Variants in BMP6 observed in about 807,000 individuals in gnomAD.
BMP6 encodes bone morphogenetic protein 6, also known as VG-1-R.
In BMP6, 17 loss-of-function variants were observed where a neutral mutation model predicts 54.1. The ratio of observed to expected loss-of-function variants is 0.31; its 90% CI spans 0.22 to 0.47. The LOEUF (loss-of-function observed/expected upper bound fraction) is 0.47. BMP6 is among the 20% of genes least tolerant of loss of function. The probability of loss-of-function intolerance (pLI) is 1.00; values close to 1 mark genes in which losing one functional copy is unlikely to be tolerated. For missense variants in BMP6, 720 were observed against 690.4 expected (o/e 1.04, Z -0.48); for synonymous variants, 328 against 291.2 (o/e 1.13, Z -1.28).
Position 7,727,222 on chromosome 6 carries a change from C to G in BMP6, c.267C>G (p.Leu89=). 2 of 1,605,652 alleles carry G rather than the reference C, an allele frequency of 1.2e-6. No homozygotes were observed. The highest frequency in any genetic ancestry group is 1.1e-5 in the South Asian group (1 of 90,450). ...AGGAGATCTTGTCGGTGCTGGGGCTCCCGCACCGGCCCCGGCCCCTGCACG... is the reference window on the plus strand; with the variant it reads ...AGGAGATCTTGTCGGTGCTGGGGCTGCCGCACCGGCCCCGGCCCCTGCACG... The part of the protein sequence containing the change: ...MQKEILSVLG[L]PHRPRPLHGL... Residue 89 remains leucine, a synonymous_variant, in exon 1 of 7, where the codon CTC becomes CTG. Transcript: ENST00000283147.
intron 1 of BMP6, among the ~76,000 whole-genome samples, chr6:7,843,087 T>C (rs1759002704): frequency 6.6e-6 from 1 of 152,178 alleles, no homozygotes; most frequent in African/African-American, 2.4e-5. Context: ...TGATACACCG[T>C]CCTGTGTGGG....
At chr6:7,833,996 C>T (rs1252272890) in intron 1 of BMP6, among the ~76,000 whole-genome samples, 1 of 152,052 alleles carries the variant, frequency 6.6e-6, no homozygotes, top group Non-Finnish European at 1.5e-5. Context: ...TGGGAGTTTC[C>T]ATGAGCAAAC....
At chr6:7,843,989 A>G (rs540743199) in intron 1 of BMP6, among the ~76,000 whole-genome samples, 1 of 152,256 alleles carries the variant, frequency 6.6e-6, no homozygotes, top group Non-Finnish European at 1.5e-5. Flanking sequence ...GATTACCACT[A>G]TCAAGCTAAT....
intron 1 of BMP6, among the ~76,000 whole-genome samples, chr6:7,828,482 C>G (rs1758735732): frequency 6.6e-6 from 1 of 152,222 alleles, no homozygotes. Context: ...AGCTCAGCAT[C>G]TGTGATCACA....
intron 1 of BMP6, among the ~76,000 whole-genome samples, chr6:7,789,236 G>T (rs1238533237): frequency 6.6e-6 from 1 of 152,138 alleles, no homozygotes; most frequent in Non-Finnish European, 1.5e-5. Flanking sequence ...AGGGGAGGAG[G>T]AAACGAGAAC....
intron 1 of BMP6, among the ~76,000 whole-genome samples, chr6:7,828,212 G>T (rs1163770857): frequency 1.3e-5 from 2 of 152,212 alleles, no homozygotes; most frequent in Admixed American, 1.3e-4. Flanking sequence ...CACAGCTGTT[G>T]CTCAGAAGGG....
At chr6:7,807,472 G>A (rs552867203) in intron 1 of BMP6, among the ~76,000 whole-genome samples, 1 of 152,174 alleles carries the variant, frequency 6.6e-6, no homozygotes, top group South Asian at 2.1e-4. Flanking sequence ...GTAGAGACGG[G>A]GTTTCACCAT....
chr6:7,832,760 A>C (rs921584231), intron 1 of BMP6, among the ~76,000 whole-genome samples: 1 of 147,960 alleles, frequency 6.8e-6, no homozygotes, highest in Non-Finnish European at 1.5e-5. Context: ...AGGGGCACCA[A>C]GCCTTTTCAA....
chr6:7,878,425 TG>T (rs1409557877), intron 4 of BMP6, among the ~76,000 whole-genome samples: 1 of 151,916 alleles, frequency 6.6e-6, no homozygotes, highest in Non-Finnish European at 1.5e-5. Flanking sequence ...CTGCACAGGG[TG>T]GGTACATGCA....
intron 1 of BMP6, among the ~76,000 whole-genome samples, chr6:7,839,419 TC>T (rs1234687007): frequency 3.3e-5 from 5 of 152,254 alleles, no homozygotes; most frequent in Non-Finnish European, 7.3e-5. Flanking sequence ...CAGAACTTTT[TC>T]TTCTTCCCAA....
chr6:7,802,800 C>T (rs932991854), intron 1 of BMP6, among the ~76,000 whole-genome samples: 1 of 152,224 alleles, frequency 6.6e-6, no homozygotes, highest in Non-Finnish European at 1.5e-5. Context: ...TAGGCAATTG[C>T]CTTCTTTCCA....
At chr6:7,849,034 C>A (rs963131568) in intron 2 of BMP6, among the ~76,000 whole-genome samples, 19 of 152,176 alleles carry the variant, frequency 1.2e-4, no homozygotes, top group Non-Finnish European at 2.5e-4. Context: ...AATTCCTAAA[C>A]TATTGTCTGC....
intron 2 of BMP6, among the ~76,000 whole-genome samples, chr6:7,851,563 T>C: frequency 6.6e-6 from 1 of 152,268 alleles, no homozygotes; most frequent in Middle Eastern, 3.4e-3. Flanking sequence ...ATTCTATTTT[T>C]TATTTCTCTT....
chr6:7,878,741 G>A (rs551514648), intron 4 of BMP6, among the ~76,000 whole-genome samples: 8 of 152,344 alleles, frequency 5.3e-5, no homozygotes, highest in African/African-American at 1.7e-4. Flanking sequence ...ATGCCTTCCC[G>A]GTCTGGCGCC....
chr6:7,746,950 C>T (rs186937631), intron 1 of BMP6, among the ~76,000 whole-genome samples: 54 of 152,292 alleles, frequency 3.5e-4, no homozygotes, highest in Non-Finnish European at 6.2e-4. Flanking sequence ...TTCCAGGTAG[C>T]GTGAGAGAGA....
Position 7,880,430 on chromosome 6 carries a change from G to A in BMP6, c.*87G>A. On this transcript the variant is annotated 3_prime_UTR_variant, in exon 7 of 7. Transcript: ENST00000283147. ...AAAAAACACGGAAGCACAGTTGGAG[G>A]TGGGACGATGAGACTTTGAAACTAT... 3 of 1,545,258 alleles carry A rather than the reference G, an allele frequency of 1.9e-6. No individual in the cohort carries two copies. Among genetic ancestry groups the A allele is most frequent in the Non-Finnish European group, 2.7e-6 (3 of 1,129,390 alleles).
At chr6:7,862,520 G>A in intron 4 of BMP6, 22 bp downstream of exon 4, 1 of 1,612,846 alleles carries the variant, frequency 6.2e-7, no homozygotes, top group East Asian at 2.2e-5. Flanking sequence ...GGGAGCCTGT[G>A]TTTCCAGAAA....
chr6:7,804,117 A>G (rs979289159), intron 1 of BMP6, among the ~76,000 whole-genome samples: 1 of 152,162 alleles, frequency 6.6e-6, no homozygotes, highest in Non-Finnish European at 1.5e-5. Flanking sequence ...CTGACACACT[A>G]AATTGGAGCA....
intron 1 of BMP6, among the ~76,000 whole-genome samples, chr6:7,780,720 C>T (rs866103355): frequency 2.9e-4 from 25 of 86,580 alleles, no homozygotes; most frequent in Non-Finnish European, 6.3e-4. Flanking sequence ...TTATTATTAT[C>T]ATTATTATTT....
Sources: gnomAD v4.1 joint callset for allele counts (sites outside exome capture counted in the v4.1 genomes callset) on GRCh38, gnomAD v4.1.1 for gene constraint, MANE v1.5 for transcripts, NCBI Gene and HGNC (gene_info 2026-07-23, HGNC 2026-07-21) for gene names.